NPAS2: variants seen among roughly 807,000 people sequenced by gnomAD.
The protein encoded by NPAS2 is neuronal PAS domain protein 2.
Under a neutral mutation model 107.5 loss-of-function variants are expected in NPAS2, and 23 were observed. The ratio of observed to expected loss-of-function variants is 0.21; its 90% confidence interval spans 0.15 to 0.30. The LOEUF (loss-of-function observed/expected upper bound fraction) is 0.30, where lower values mean the gene tolerates loss of function less well. NPAS2 is among the 10% of genes least tolerant of loss of function. The pLI is 1.00. For missense variants in NPAS2, 756 were observed against 1,043.3 expected (o/e 0.72, Z 3.79); for synonymous variants, 403 against 417.5 (o/e 0.97, Z 0.42).
intron 19 of NPAS2, among the ~76,000 whole-genome samples, chr2:100,992,753 G>A (rs142281177): frequency 3.2e-4 from 48 of 152,290 alleles, no homozygotes; most frequent in Admixed American, 8.5e-4. Context: ...CAGCCCCAAT[G>A]CCCATTTTTT....
chr2:100,848,547 C>T (rs572529261), intron 1 of NPAS2, among the ~76,000 whole-genome samples: 6 of 152,192 alleles, frequency 3.9e-5, no homozygotes, highest in East Asian at 1.9e-4. Context: ...TGGTCACTTC[C>T]GCATCTAGAG....
At chr2:100,907,449 C>G (rs1682231445) in intron 2 of NPAS2, among the ~76,000 whole-genome samples, 1 of 150,870 alleles carries the variant, frequency 6.6e-6, no homozygotes, top group East Asian at 2.0e-4. Flanking sequence ...TGGTGGTACC[C>G]AGAAATAGCA....
At chr2:100,933,872 T>A (rs533854151) in intron 4 of NPAS2, among the ~76,000 whole-genome samples, 1 of 152,344 alleles carries the variant, frequency 6.6e-6, no homozygotes, top group Non-Finnish European at 1.5e-5. Context: ...ACGCTGGCTG[T>A]GACCAGTGGT....
At chr2:100,981,639 G>A (rs986817528) in intron 15 of NPAS2, among the ~76,000 whole-genome samples, 17 of 152,174 alleles carry the variant, frequency 1.1e-4, no homozygotes, top group African/African-American at 3.6e-4. Flanking sequence ...TGTTTTGTTC[G>A]TTTTTTGCAC....
intron 18 of NPAS2, 114 bp from the exon 19 acceptor site, chr2:100,990,666 G>A (rs1235746591): frequency 8.3e-6 from 9 of 1,085,478 alleles, no homozygotes; most frequent in Non-Finnish European, 1.3e-5. Context: ...CCAGGAGAGT[G>A]GGGATTAGAG....
intron 15 of NPAS2, 46 bp from the exon 16 acceptor site, chr2:100,982,185 G>A (rs1677484897): frequency 6.2e-7 from 1 of 1,610,634 alleles, no homozygotes; most frequent in South Asian, 1.1e-5. Flanking sequence ...CTGCAAGGCT[G>A]AAATAACTCT....
intron 2 of NPAS2, among the ~76,000 whole-genome samples, chr2:100,922,334 C>T (rs1683279427): frequency 6.6e-6 from 1 of 152,128 alleles, no homozygotes; most frequent in Non-Finnish European, 1.5e-5. Context: ...AATCCCAGCA[C>T]ATTTGTGGAG....
chr2:100,864,228 AG>A (rs932493091), intron 1 of NPAS2, among the ~76,000 whole-genome samples: 5 of 152,172 alleles, frequency 3.3e-5, no homozygotes, highest in African/African-American at 7.2e-5. Flanking sequence ...GGTTTTGTAG[AG>A]GAAGAGTGCT....
At chr2:100,984,169 G>A (rs1317777891) in intron 16 of NPAS2, 1 of 152,218 alleles carries the variant, frequency 6.6e-6, no homozygotes, top group Non-Finnish European at 1.5e-5. Flanking sequence ...GTTCATTCCT[G>A]AGGCCTTATC....
At chr2:100,887,679 T>A (rs962395911) in intron 1 of NPAS2, among the ~76,000 whole-genome samples, 1 of 145,760 alleles carries the variant, frequency 6.9e-6, no homozygotes, top group African/African-American at 2.6e-5. Flanking sequence ...TTTTTTCTTT[T>A]TCTTTTTTTT....
intron 15 of NPAS2, among the ~76,000 whole-genome samples, chr2:100,979,593 AACCTCC>A (rs1677308328): frequency 7.1e-6 from 1 of 141,288 alleles, no homozygotes; most frequent in African/African-American, 2.7e-5. Flanking sequence ...GGCTCACTGC[AACCTCC>A]ACCTCCTGGG....
chr2:100,919,242 G>C (rs1469264916), intron 2 of NPAS2, among the ~76,000 whole-genome samples: 1 of 152,210 alleles, frequency 6.6e-6, no homozygotes, highest in African/African-American at 2.4e-5. Flanking sequence ...TGGAGGGCAT[G>C]AGAGTTTTGT....
intron 11 of NPAS2, among the ~76,000 whole-genome samples, chr2:100,969,532 C>T (rs1225767117): frequency 6.6e-6 from 1 of 152,182 alleles, no homozygotes. Context: ...AGGACATGAA[C>T]TTATTCTGTT....
chr2:100,839,417 C>A (rs1677259606), intron 1 of NPAS2, among the ~76,000 whole-genome samples: 1 of 152,170 alleles, frequency 6.6e-6, no homozygotes, highest in Admixed American at 6.6e-5. Flanking sequence ...GTGTGAGCCA[C>A]CGCGCCTGGC....
intron 2 of NPAS2, among the ~76,000 whole-genome samples, chr2:100,914,749 AT>A (rs1682764953): frequency 6.6e-6 from 1 of 152,232 alleles, no homozygotes; most frequent in Admixed American, 6.5e-5. Context: ...ATGAAAAGAT[AT>A]ATGAGAGTTT....
chr2:100,914,630 C>T (rs560583050), intron 2 of NPAS2, among the ~76,000 whole-genome samples: 4 of 152,294 alleles, frequency 2.6e-5, no homozygotes, highest in South Asian at 2.1e-4. Context: ...TCACCCCATA[C>T]GCTTTTCTGC....
intron 3 of NPAS2, among the ~76,000 whole-genome samples, chr2:100,927,642 C>T (rs191602751): frequency 1.0e-3 from 159 of 152,316 alleles, no homozygotes; most frequent in South Asian, 1.9e-3. Context: ...TGAGATTCCT[C>T]CCATTCTTCC....
intron 1 of NPAS2, among the ~76,000 whole-genome samples, chr2:100,871,075 G>A (rs571979220): frequency 6.6e-6 from 1 of 152,266 alleles, no homozygotes; most frequent in East Asian, 1.9e-4. Flanking sequence ...TCTCTTCAAT[G>A]CCATGCTCTA....
Position 100,854,983 on chromosome 2 carries a change from T to A in NPAS2, c.-23+34569T>A, listed in dbSNP as rs146191412. 4.7e-3 allele frequency among the ~76,000 whole-genome samples: 709 copies of A among 152,370 alleles called. 5 individuals are homozygous for A. The highest frequency in any genetic ancestry group is 0.016 in the African/African-American group (678 of 41,588). On this transcript the variant is annotated intron_variant, in intron 1 of 20. Transcript: ENST00000335681. ...TAGGAAAAACGAATGCAAGCTCTGC[T>A]ATTATTTTTTAATATTGATTATATG...
Sources: gnomAD v4.1 joint callset for allele counts (sites outside exome capture counted in the v4.1 genomes callset) on GRCh38, gnomAD v4.1.1 for gene constraint, MANE v1.5 for transcripts, NCBI Gene and HGNC (gene_info 2026-07-23, HGNC 2026-07-21) for gene names.